The following LRIG3 variants were observed in gnomAD, a reference collection of about 807,000 sequenced individuals.
The protein encoded by LRIG3 is leucine rich repeats and immunoglobulin like domains 3.
LRIG3 carries 76 observed loss-of-function variants against 114.5 expected under a neutral mutation model. That is an observed-to-expected ratio of 0.66 (90% CI 0.55 to 0.80). The LOEUF (loss-of-function observed/expected upper bound fraction) is 0.80. Ranked by LOEUF, LRIG3 falls within the 30% of genes least tolerant of loss-of-function variation. The pLI is 0.00. For synonymous variants in LRIG3, 512 were observed against 519.8 expected, an observed-to-expected ratio of 0.98 and a Z score of 0.20; for missense variants, 1,239 against 1,382.8, an observed-to-expected ratio of 0.90 and a Z score of 1.65.
intron 3 of LRIG3, among the ~76,000 whole-genome samples, chr12:58,903,229 C>T (rs1407228115): frequency 1.3e-5 from 2 of 152,176 alleles, no homozygotes; most frequent in Non-Finnish European, 2.9e-5. Context: ...CTCTCCAGCA[C>T]CTGTTGTTTC....
chr12:58,882,377 T>C (rs1007212262), intron 12 of LRIG3, among the ~76,000 whole-genome samples: 3 of 152,212 alleles, frequency 2.0e-5, no homozygotes, highest in Non-Finnish European at 4.4e-5. Context: ...GCTAAAACAA[T>C]GGACCTTAAA....
intron 8 of LRIG3, chr12:58,887,160 C>A (rs1227147034): frequency 8.2e-6 from 3 of 363,802 alleles, no homozygotes; most frequent in Non-Finnish European, 1.5e-5. Flanking sequence ...TCTGAATGAT[C>A]CGAACAGTCT....
At chr12:58,881,617 G>A (rs1474635491) in intron 12 of LRIG3, among the ~76,000 whole-genome samples, 1 of 152,112 alleles carries the variant, frequency 6.6e-6, no homozygotes, top group East Asian at 1.9e-4. Flanking sequence ...TTTTGGAAAA[G>A]TTACCTTTTT....
chr12:58,878,341 T>C (rs1870999989), intron 14 of LRIG3, among the ~76,000 whole-genome samples: 1 of 152,174 alleles, frequency 6.6e-6, no homozygotes, highest in Non-Finnish European at 1.5e-5. Context: ...CTTTCAAAGA[T>C]ACGTGAATAA....
chr12:58,917,433 G>C (rs1872517432), intron 1 of LRIG3, among the ~76,000 whole-genome samples: 1 of 152,156 alleles, frequency 6.6e-6, no homozygotes, highest in African/African-American at 2.4e-5. Context: ...TTTAATGGCA[G>C]TTGTGAGCAA....
At chr12:58,892,413 T>C (rs1279634710) in intron 3 of LRIG3, among the ~76,000 whole-genome samples, 1 of 152,216 alleles carries the variant, frequency 6.6e-6, no homozygotes, top group Non-Finnish European at 1.5e-5. Context: ...TTACAAAATA[T>C]ATCTTGTGTA....
At position 58,914,216 on chromosome 12, in the gene LRIG3, G is replaced by C. The variant is rs749303031; in HGVS notation, c.308+49C>G. The C allele has an allele frequency of 3.2e-6, 5 of 1,556,908 alleles. No individual in the cohort carries two copies. In the South Asian group the frequency reaches 5.6e-5, roughly 17 times the overall value. On this transcript the variant is annotated intron_variant, in intron 2 of 18. Coordinates refer to ENST00000320743, the MANE Select transcript of LRIG3 (RefSeq NM_153377.5). Reference sequence around the variant, plus strand: ...ATTCCTTACGGTTAAATAGTATAAGGGGTAACGTATTTTACTCAAACCTTA... The same window carrying C: ...ATTCCTTACGGTTAAATAGTATAAGCGGTAACGTATTTTACTCAAACCTTA...
intron 3 of LRIG3, among the ~76,000 whole-genome samples, chr12:58,895,611 G>A (rs1247860008): frequency 3.3e-5 from 5 of 152,170 alleles, no homozygotes; most frequent in African/African-American, 1.2e-4. Context: ...AACCACATCA[G>A]ACATTTGACC....
chr12:58,919,673 G>A (rs1461489141), intron 1 of LRIG3: 4 of 1,223,172 alleles, frequency 3.3e-6, no homozygotes, highest in African/African-American at 3.1e-5. Context: ...GGCCTGGCAG[G>A]AGCAAGCATT....
intron 14 of LRIG3, among the ~76,000 whole-genome samples, chr12:58,878,336 A>G (rs1870999820): frequency 6.6e-6 from 1 of 152,234 alleles, no homozygotes; most frequent in Non-Finnish European, 1.5e-5. Flanking sequence ...TAGCTCTTTC[A>G]AAGATACGTG....
At chr12:58,888,024 C>T in intron 7 of LRIG3, 92 bp from the exon 8 acceptor site, 6 of 1,112,646 alleles carry the variant, frequency 5.4e-6, no homozygotes, top group Non-Finnish European at 7.7e-6. Context: ...ATGAGCTACA[C>T]TAATCCTTAT....
chr12:58,888,400 A>C lies in LRIG3; in HGVS notation c.876T>G (p.Leu292=), dbSNP rs1197286951. The C allele has an allele frequency of 1.2e-6, 2 of 1,613,762 alleles. No individual in the cohort carries two copies. Among genetic ancestry groups the C allele is most frequent in the Non-Finnish European group, 1.7e-6 (2 of 1,179,866 alleles). ...TGTTGATGGCATTTTGGCTGAGATG[A>C]AGTTCCTGCAGCATCAGCAAGCCGT... ...WLYGLLMLQE[L]HLSQNAINRI... Residue 292 remains leucine, a synonymous_variant, in exon 7 of 19, where the codon CTT becomes CTG. Coordinates refer to ENST00000320743, the MANE Select transcript of LRIG3 (RefSeq NM_153377.5).
intron 10 of LRIG3, 87 bp from the exon 11 acceptor site, chr12:58,883,678 C>T (rs1017736460): frequency 2.3e-6 from 2 of 881,490 alleles, no homozygotes; most frequent in Admixed American, 2.1e-5. Flanking sequence ...CTGCCCACCC[C>T]ATTTGCCAAA....
intron 3 of LRIG3, among the ~76,000 whole-genome samples, chr12:58,902,654 G>T (rs1487657564): frequency 6.6e-6 from 1 of 151,564 alleles, no homozygotes; most frequent in Non-Finnish European, 1.5e-5. Flanking sequence ...GTGCCATGCT[G>T]GTGTGCTGCA....
At chr12:58,906,272 C>CT (rs1403194363) in intron 3 of LRIG3, among the ~76,000 whole-genome samples, 1 of 152,038 alleles carries the variant, frequency 6.6e-6, no homozygotes, top group African/African-American at 2.4e-5. Flanking sequence ...TAAAAGTTCC[C>CT]TTTTTTTAAA....
intron 14 of LRIG3, 99 bp downstream of exon 14, chr12:58,878,725 T>TC (rs774333772): frequency 2.6e-5 from 36 of 1,376,452 alleles, no homozygotes; most frequent in Non-Finnish European, 3.6e-5. Context: ...CCATACATCT[T>TC]CATCTCTTAC....
In LRIG3 at chr12:58,887,857, G is replaced by A. The variant is rs1232294205; in HGVS notation, c.1023C>T (p.His341=). The stretch of plus-strand genomic sequence containing the variant: ...TGTAGCTGACTCTGTTGTTCCCAAT[G>A]TGCAGTGTATTTAGTAAGCTTAGGC... ...FLGLSLLNTL[H]IGNNRVSYIA... The change falls in exon 8 of 19, where the codon CAC becomes CAT. Residue 341 remains histidine (H), a synonymous_variant. Coordinates refer to ENST00000320743, the MANE Select transcript of LRIG3 (RefSeq NM_153377.5). 1.2e-6 allele frequency: 2 copies of A among 1,613,768 alleles called. No individual in the cohort carries two copies. Among genetic ancestry groups the A allele is most frequent in the East Asian group, 2.2e-5 (1 of 44,876 alleles).
intron 3 of LRIG3, among the ~76,000 whole-genome samples, chr12:58,891,126 A>AT: frequency 6.6e-6 from 1 of 150,960 alleles, no homozygotes; most frequent in South Asian, 2.1e-4. Flanking sequence ...ATTTATTGTT[A>AT]TTTTTTAGAG....
In LRIG3 at chr12:58,874,240, G is replaced by C. The variant is rs369103183; in HGVS notation, c.2930C>G (p.Ser977Ter). Residue 977 changes from serine to a stop codon, truncating the protein, a stop_gained, in exon 18 of 19, where the codon TCA becomes TGA. Coordinates refer to ENST00000320743, the MANE Select transcript of LRIG3 (RefSeq NM_153377.5). LOFTEE classifies it high-confidence loss of function. Reference protein sequence around the residue: ...KKECYPCSHPSEESCERSFSN... With the variant: ...KKECYPCSHP Reference sequence around the variant, plus strand: ...GAAGCTCCGTTCGCAGGATTCTTCTGAAGGATGAGAACATGGGTAGCACTC... The same window carrying C: ...GAAGCTCCGTTCGCAGGATTCTTCTCAAGGATGAGAACATGGGTAGCACTC... 51 of 1,614,080 alleles carry C rather than the reference G, an allele frequency of 3.2e-5. No homozygotes were observed. Among genetic ancestry groups the C allele is most frequent in the Non-Finnish European group, 4.3e-5 (51 of 1,180,048 alleles).
Sources: gnomAD v4.1 joint callset for allele counts (sites outside exome capture counted in the v4.1 genomes callset) on GRCh38, gnomAD v4.1.1 for gene constraint, MANE v1.5 for transcripts, NCBI Gene and HGNC (gene_info 2026-07-23, HGNC 2026-07-21) for gene names.